DNAH17: variants seen among roughly 807,000 people sequenced by gnomAD.
DNAH17 encodes dynein axonemal heavy chain 17, also known as axonemal beta dynein heavy chain 17.
In DNAH17, 376 loss-of-function variants were observed where a neutral mutation model predicts 485.6. The observed-to-expected ratio is 0.77, with a 90% CI of 0.71 to 0.84. The LOEUF (loss-of-function observed/expected upper bound fraction) is 0.84. Among genes scored for constraint, DNAH17 ranks in the 40% least tolerant of loss-of-function variants. DNAH17 has a pLI of 0.00. For missense variants in DNAH17, 6,370 were observed against 5,839.3 expected, an observed-to-expected ratio of 1.09 and a Z score of -2.96; for synonymous variants, 3,031 against 2,405.9, an observed-to-expected ratio of 1.26 and a Z score of -7.60.
At chr17:78,444,858 C>A in intron 70 of DNAH17, 61 bp from the exon 71 acceptor site, 1 of 1,474,400 alleles carries the variant, frequency 6.8e-7, no homozygotes, top group South Asian at 1.4e-5. Flanking sequence ...CGAGAGCCTT[C>A]CTGTACAGTT....
chr17:78,449,939 G>C, intron 68 of DNAH17: 1 of 470,450 alleles, frequency 2.1e-6, no homozygotes, highest in Non-Finnish European at 3.9e-6. Flanking sequence ...GCCCCCCATA[G>C]TGCTGAGATG....
At position 78,574,932 on chromosome 17, in the gene DNAH17, C is replaced by T; in HGVS notation, c.126G>A (p.Glu42=). The part of the protein sequence containing the change: ...GAEENVALFT[E]FFEKPDVQVL... ...CCTGGACGTCGGGCTTTTCAAAGAA[C>T]TCTGTGAACAGGGCCACGTTCTCCT... is the stretch of plus-strand genomic sequence containing the variant. The change falls in exon 2 of 81, where the codon GAG becomes GAA. Residue 42 remains glutamate (E), a synonymous_variant. Transcript: ENST00000389840. 6.2e-7 allele frequency: 1 copy of T among 1,614,032 alleles called. No homozygotes were observed.
intron 19 of DNAH17, among the ~76,000 whole-genome samples, chr17:78,536,457 A>T (rs1372476777): frequency 1.3e-5 from 2 of 151,282 alleles, no homozygotes; most frequent in African/African-American, 4.9e-5. Flanking sequence ...CTCAAAAAAT[A>T]AAAAAATTAA....
At chr17:78,448,485 C>G (rs934381074) in intron 69 of DNAH17, among the ~76,000 whole-genome samples, 2 of 152,170 alleles carry the variant, frequency 1.3e-5, no homozygotes, top group African/African-American at 4.8e-5. Flanking sequence ...TATGATTGCA[C>G]CACTGCACTC....
chr17:78,501,927 G>T (rs2090309816), intron 33 of DNAH17, 54 bp from the exon 34 acceptor site: 3 of 1,605,692 alleles, frequency 1.9e-6, no homozygotes, highest in Non-Finnish European at 1.7e-6. Flanking sequence ...ATGCACTGGG[G>T]GGTCTTGTGG....
At chr17:78,538,390 G>A (rs1019664768) in intron 18 of DNAH17, among the ~76,000 whole-genome samples, 1 of 152,102 alleles carries the variant, frequency 6.6e-6, no homozygotes, top group African/African-American at 2.4e-5. Context: ...CCAAACTAAC[G>A]ATTCTCAAAA....
rs759881573 is a variant in DNAH17 at position 78,459,078 on chromosome 17, T to A, written c.9784A>T (p.Arg3262Trp). ...YEVYCDVAPK[R>W]QALEEANAEL... ...GCATTAGCCTCCTCCAGTGCCTGCC[T>A]CTTGGGCGCCACGTCGCAGTAGACC... The change falls in exon 61 of 81, where the codon AGG becomes TGG. Residue 3262 changes from arginine to tryptophan, a missense_variant. By Grantham distance (101) the Arg-to-Trp change is moderately radical (BLOSUM62 -3). Transcript: ENST00000389840. The A allele has an allele frequency of 6.2e-7, 1 of 1,613,924 alleles. No homozygotes were observed. Among genetic ancestry groups the A allele is most frequent in the African/African-American group, 1.3e-5 (1 of 74,938 alleles).
chr17:78,555,031 G>A, intron 14 of DNAH17, among the ~76,000 whole-genome samples: 1 of 152,206 alleles, frequency 6.6e-6, no homozygotes, highest in East Asian at 1.9e-4. Flanking sequence ...ACAGGCATGA[G>A]CCACTGCGCC....
At chr17:78,492,854 G>GTTTTTTT in intron 41 of DNAH17, 89 bp from the exon 42 acceptor site, 31 of 431,062 alleles carry the variant, frequency 7.2e-5, no homozygotes, top group South Asian at 1.6e-4. Flanking sequence ...GGGCCTGGAT[G>GTTTTTTT]GTTTTTTTTT....
At chr17:78,468,329 C>T (rs924885254) in intron 55 of DNAH17, among the ~76,000 whole-genome samples, 1 of 152,084 alleles carries the variant, frequency 6.6e-6, no homozygotes, top group Non-Finnish European at 1.5e-5. Context: ...AGCATCCATC[C>T]CTCCGTGGAT....
chr17:78,451,730 C>T (rs982146381), intron 65 of DNAH17, 57 bp from the exon 66 acceptor site: 18 of 1,463,616 alleles, frequency 1.2e-5, no homozygotes, highest in Non-Finnish European at 1.4e-5. Flanking sequence ...GGGAGAGGAA[C>T]ACAAGTACAG....
intron 79 of DNAH17, 61 bp from the exon 80 acceptor site, chr17:78,425,632 C>T (rs2086413218): frequency 1.4e-6 from 2 of 1,458,568 alleles, no homozygotes; most frequent in Non-Finnish European, 9.2e-7. Context: ...AACGACCGGG[C>T]CTTGGCCGTT....
intron 16 of DNAH17, among the ~76,000 whole-genome samples, chr17:78,544,434 C>T (rs1305624074): frequency 5.3e-5 from 8 of 152,092 alleles, no homozygotes; most frequent in East Asian, 1.9e-4. Context: ...ACTGATCTGC[C>T]GACAAGGGTG....
At chr17:78,523,291 T>C (rs780315721) in intron 25 of DNAH17, among the ~76,000 whole-genome samples, 8 of 151,904 alleles carry the variant, frequency 5.3e-5, no homozygotes, top group Non-Finnish European at 7.4e-5. Flanking sequence ...GCCCAACTAA[T>C]TTTTGTATTT....
intron 25 of DNAH17, among the ~76,000 whole-genome samples, chr17:78,516,824 T>G (rs547832079): frequency 1.3e-5 from 2 of 152,304 alleles, no homozygotes; most frequent in Non-Finnish European, 2.9e-5. Flanking sequence ...TCCAAACATG[T>G]TTCTCCCCCT....
rs759863999 is a variant in DNAH17, at chr17:78,532,670, C to T, written c.2926G>A (p.Ala976Thr). 1.3e-6 allele frequency: 2 copies of T among 1,593,712 alleles called. No individual in the cohort carries two copies. Among genetic ancestry groups the T allele is most frequent in the Non-Finnish European group, 1.7e-6 (2 of 1,169,100 alleles). The change falls in exon 20 of 81, where the codon GCC becomes ACC. Residue 976 changes from alanine to threonine, a missense_variant. Ala to Thr is a moderately conservative substitution (Grantham distance 58). Transcript: ENST00000389840. ...REEVSSLVIN[A>T]MKEAEEYQDS... is the part of the protein sequence containing the mutation. ...TGGTACTCCTCGGCCTCCTTCATGG[C>T]ATTGATGACCAGGCTGGACACCTCC... is the stretch of plus-strand genomic sequence containing the variant.
At chr17:78,556,392 T>TG (rs1273864030) in intron 14 of DNAH17, among the ~76,000 whole-genome samples, 1 of 152,176 alleles carries the variant, frequency 6.6e-6, no homozygotes, top group Non-Finnish European at 1.5e-5. Context: ...GCCCAGCGGA[T>TG]GCCTTGACTC....
chr17:78,465,017 T>C (rs1227287046), intron 56 of DNAH17, among the ~76,000 whole-genome samples: 2 of 152,264 alleles, frequency 1.3e-5, no homozygotes, highest in Non-Finnish European at 2.9e-5. Context: ...GCTGCTGCCA[T>C]CTCGGCTCGC....
chr17:78,505,293 C>T lies in DNAH17; in HGVS notation c.4956G>A (p.Gln1652=). The part of the protein sequence containing the change: ...VFDQECDLSG[Q]VEVWLNRVLD... ...CTGTGTGGTGTGCGCACACACTCAC[C>T]TGCCCCGAGAGGTCGCATTCCTGAT... Residue 1652 remains glutamine (Q), a splice_region_variant and synonymous_variant, in exon 31 of 81, where the codon CAG becomes CAA. Coordinates refer to ENST00000389840, the MANE Select transcript of DNAH17 (RefSeq NM_173628.4). 1 of 1,613,882 alleles carries T rather than the reference C, an allele frequency of 6.2e-7. No homozygotes were observed. The highest frequency in any genetic ancestry group is 8.5e-7 in the Non-Finnish European group (1 of 1,179,820).
Sources: gnomAD v4.1 joint callset for allele counts (sites outside exome capture counted in the v4.1 genomes callset) on GRCh38, gnomAD v4.1.1 for gene constraint, MANE v1.5 for transcripts, NCBI Gene and HGNC (gene_info 2026-07-23, HGNC 2026-07-21) for gene names.